Variants in DPP9 observed in about 807,000 individuals in gnomAD.
The protein encoded by DPP9 is dipeptidyl peptidase IV-related protein-2.
In DPP9, 50 loss-of-function variants were observed where a neutral mutation model predicts 110.7. The ratio of observed to expected loss-of-function variants is 0.45; its 90% confidence interval spans 0.36 to 0.57. DPP9 has a LOEUF of 0.57. DPP9 is among the 20% of genes least tolerant of loss of function. The pLI is 0.00. For missense variants in DPP9, 1,022 were observed against 1,217.9 expected (o/e 0.84, Z 2.39); for synonymous variants, 561 against 514.4 (o/e 1.09, Z -1.23).
At chr19:4,705,103 G>A (rs2092513699) in intron 5 of DPP9, among the ~76,000 whole-genome samples, 2 of 152,220 alleles carry the variant, frequency 1.3e-5, no homozygotes, top group South Asian at 4.1e-4. Flanking sequence ...CAAAGTGAGG[G>A]CCAGTGAACC....
At chr19:4,706,626 G>A (rs1216843989) in intron 4 of DPP9, among the ~76,000 whole-genome samples, 1 of 152,224 alleles carries the variant, frequency 6.6e-6, no homozygotes, top group Non-Finnish European at 1.5e-5. Flanking sequence ...GACCAGACTG[G>A]ACAACATGGT....
chr19:4,677,883 G>A (rs2089108649), intron 21 of DPP9, among the ~76,000 whole-genome samples: 1 of 152,208 alleles, frequency 6.6e-6, no homozygotes, highest in African/African-American at 2.4e-5. Context: ...GGCCCGGCAT[G>A]TGACAAATGT....
Position 4,707,899 on chromosome 19 carries a change from A to T in DPP9, c.314-1929T>A, listed in dbSNP as rs1599931581. Among the ~76,000 whole-genome samples, 3 of 151,926 alleles carry T rather than the reference A, an allele frequency of 2.0e-5. No individual in the cohort carries two copies. In the East Asian group the frequency reaches 5.8e-4, roughly 29 times the overall value. ...CCTTGGCCTCCCAAAATGCTGGGAT[A>T]ACAGGCATGAGCCACCACACCCGGC... On this transcript the variant is annotated intron_variant, in intron 4 of 21. Coordinates refer to ENST00000262960, the MANE Select transcript of DPP9 (RefSeq NM_139159.5).
Position 4,719,864 on chromosome 19 carries a change from C to T in DPP9, c.43G>A (p.Gly15Arg), listed in dbSNP as rs369959939. Residue 15 changes from glycine to arginine, a missense_variant, in exon 3 of 22, where the codon GGA (glycine) becomes AGA (arginine). Physicochemically the swap from Gly to Arg is moderately radical, Grantham distance 125 (BLOSUM62 -2). This residue lies in a region of DPP9 where 810 missense variants were observed against 920.6 expected (regional missense o/e 0.88). Transcript: ENST00000262960. ...KKLRLDKENT[G>R]SWRSFSLNSE... ...GGCCAACCTCACCTTCTCCAACTTC[C>T]GGTGTTCTCCTTGTCCAGGCGCAGT... The T allele has an allele frequency of 3.5e-5, 54 of 1,551,766 alleles. No individual in the cohort carries two copies. In the Middle Eastern group the frequency reaches 6.7e-4, roughly 19 times the overall value.
intron 4 of DPP9, among the ~76,000 whole-genome samples, chr19:4,713,638 G>A (rs1035507000): frequency 1.3e-5 from 2 of 152,198 alleles, no homozygotes; most frequent in Non-Finnish European, 2.9e-5. Flanking sequence ...CCTCCACGGC[G>A]AGCTCCTCCT....
Position 4,682,068 on chromosome 19 carries a change from T to C in DPP9, c.2474+628A>G, listed in dbSNP as rs1599863218. Among the ~76,000 whole-genome samples, 1 of 151,950 alleles carries C rather than the reference T, an allele frequency of 6.6e-6. No homozygotes were observed. Among genetic ancestry groups the C allele is most frequent in the Non-Finnish European group, 1.5e-5 (1 of 67,972 alleles). ...TTTCATCTTGTTAGCCAGGATGGTCTCAATCTCCTGACCTCACGATCCGCC... is the reference window on the plus strand; with the variant it reads ...TTTCATCTTGTTAGCCAGGATGGTCCCAATCTCCTGACCTCACGATCCGCC... On this transcript the variant is annotated intron_variant, in intron 20 of 21. Coordinates refer to ENST00000262960, the MANE Select transcript of DPP9 (RefSeq NM_139159.5). This position sits in a 1 kb window ranked among gnomAD's most constrained non-coding sequence, Gnocchi z 7.1.
rs575053697 is a variant in DPP9, at chr19:4,698,383, G to A, written c.1075-732C>T. On this transcript the variant is annotated intron_variant, in intron 10 of 21. Coordinates refer to ENST00000262960, the MANE Select transcript of DPP9 (RefSeq NM_139159.5). The surrounding 1 kb of genome is among the most constrained non-coding windows in gnomAD (Gnocchi z 4.2). Reference sequence around the variant, plus strand: ...TGGGTCACCAGCCCCACATCCCCAAGCCGACTTGTTTGATTGGCATCACCC... The same window carrying A: ...TGGGTCACCAGCCCCACATCCCCAAACCGACTTGTTTGATTGGCATCACCC... Among the ~76,000 whole-genome samples the A allele has an allele frequency of 1.3e-5, 2 of 152,340 alleles. No individual in the cohort carries two copies. The highest frequency in any genetic ancestry group is 4.1e-4 in the South Asian group (2 of 4,832).
Position 4,694,929 on chromosome 19 carries a change from C to G in DPP9, c.1354-106G>C. On this transcript the variant is annotated intron_variant, in intron 12 of 21. Coordinates refer to ENST00000262960, the MANE Select transcript of DPP9 (RefSeq NM_139159.5). This position sits in a 1 kb window ranked among gnomAD's most constrained non-coding sequence, Gnocchi z 4.0. ...TTGGGAGGCTGGGGCAGGAGACTTG[C>G]TTGAGCCCAGGAATTTCAGAGACCA... The G allele has an allele frequency of 8.6e-7, 1 of 1,159,608 alleles. No homozygotes were observed. Among genetic ancestry groups the G allele is most frequent in the Non-Finnish European group, 1.2e-6 (1 of 816,220 alleles). The allele number at this position is 1,159,608 out of a possible 1,614,324, so 71.8% of individuals were successfully genotyped here.
chr19:4,690,969 G>T lies in DPP9; in HGVS notation c.1517-12C>A. ...GCACTTAAATTCATCTGGAAAGAAA[G>T]AAAGAAGGGAGGTGAAGGGGCCTGG... On this transcript the variant is annotated splice_polypyrimidine_tract_variant and intron_variant, in intron 13 of 21. Transcript: ENST00000262960. 1 of 1,607,850 alleles carries T rather than the reference G, an allele frequency of 6.2e-7. No homozygotes were observed.
Position 4,695,561 on chromosome 19 carries a change from G to C in DPP9, c.1176-6C>G. ...CCAGGAACATGGCCCAGGCGCTAAG[G>C]GGGAAGATGCGGGGGAAGATGAGAG... On this transcript the variant is annotated splice_region_variant and splice_polypyrimidine_tract_variant and intron_variant, in intron 11 of 21. Transcript: ENST00000262960. The surrounding 1 kb of genome is among the most constrained non-coding windows in gnomAD (Gnocchi z 4.7). The C allele has an allele frequency of 6.8e-7, 1 of 1,468,292 alleles. No homozygotes were observed. The allele number at this position is 1,468,292 out of a possible 1,614,324, so 91.0% of individuals were successfully genotyped here.
In DPP9 at chr19:4,683,342, C is replaced by T. The variant is rs897906801; in HGVS notation, c.2331+135G>A. 5 of 1,477,776 alleles carry T rather than the reference C, an allele frequency of 3.4e-6. No homozygotes were observed. The African/African-American group carries it at 4.2e-5, about 12-fold the overall frequency. 91.5% of individuals were successfully genotyped at this position (1,477,776 alleles called of 1,614,324 possible). A position where few individuals can be genotyped will look rare whatever the true frequency, so the allele number is the denominator to read the frequency against. ...TGGGGCTGCTGCAGGGAGAAACAGC[C>T]ACGTGGCAAGGCCCCTGCCGAGGCG... On this transcript the variant is annotated intron_variant, in intron 19 of 21. Coordinates refer to ENST00000262960, the MANE Select transcript of DPP9 (RefSeq NM_139159.5).
At chr19:4,711,504 G>A (rs2092827044) in intron 4 of DPP9, among the ~76,000 whole-genome samples, 1 of 152,128 alleles carries the variant, frequency 6.6e-6, no homozygotes, top group South Asian at 2.1e-4. Context: ...CAGGCACGGT[G>A]GCTTACGCCT....
At chr19:4,714,471 A>G (rs1468756171) in intron 3 of DPP9, 134 bp from the exon 4 acceptor site, 15 of 1,178,334 alleles carry the variant, frequency 1.3e-5, no homozygotes, top group Non-Finnish European at 1.6e-5. Flanking sequence ...CTCCCTAAAC[A>G]CTTCTTGGGT....
rs546110801 is a variant in DPP9 at position 4,719,678 on chromosome 19, C to A, written c.56+173G>T. 1.9e-4 allele frequency: 143 copies of A among 756,684 alleles called. No homozygotes were observed. The African/African-American group carries it at 2.3e-3, about 12-fold the overall frequency. The allele number at this position is 756,684 out of a possible 1,614,324, so 46.9% of individuals were successfully genotyped here. Reference sequence around the variant, plus strand: ...AGCGTCCACAGTGCCGAGGGGGAGACCCCGCACTACGCCACACTGCCTCCT... The same window carrying A: ...AGCGTCCACAGTGCCGAGGGGGAGAACCCGCACTACGCCACACTGCCTCCT... On this transcript the variant is annotated intron_variant, in intron 3 of 21. Transcript: ENST00000262960.
rs755521734 is a variant in DPP9 at position 4,700,173 on chromosome 19, G to T, written c.1074+43C>A. ...CCAGCTGCCTACCCGGCCCTTCCCC[G>T]CATCATCTAGTAGATTATCTGGTAT... On this transcript the variant is annotated intron_variant, in intron 10 of 21. Transcript: ENST00000262960. The surrounding 1 kb of genome is among the most constrained non-coding windows in gnomAD (Gnocchi z 4.3). 6.8e-7 allele frequency: 1 copy of T among 1,472,062 alleles called. No individual in the cohort carries two copies. Among genetic ancestry groups the T allele is most frequent in the Non-Finnish European group, 9.2e-7 (1 of 1,085,702 alleles). The allele number at this position is 1,472,062 out of a possible 1,614,324, so 91.2% of individuals were successfully genotyped here. A position where few individuals can be genotyped will look rare whatever the true frequency, so the allele number is the denominator to read the frequency against.
chr19:4,681,076 C>T (rs767021466), intron 20 of DPP9, among the ~76,000 whole-genome samples: 3 of 152,168 alleles, frequency 2.0e-5, no homozygotes, highest in South Asian at 2.1e-4. Context: ...CCTTCCTGTC[C>T]GATACGGGAG....
At position 4,687,732 on chromosome 19, in the gene DPP9, C is replaced by T. The variant is rs1036009126; in HGVS notation, c.1885+1025G>A. Among the ~76,000 whole-genome samples, 1 of 152,026 alleles carries T rather than the reference C, an allele frequency of 6.6e-6. No homozygotes were observed. The highest frequency in any genetic ancestry group is 1.5e-5 in the Non-Finnish European group (1 of 68,012). ...TGAGTGGAAAGCCTGATAACCACGG[C>T]GGGTTTCAAACCAGTGTGGGTGGAC... On this transcript the variant is annotated intron_variant, in intron 16 of 21. Transcript: ENST00000262960. This position sits in a 1 kb window ranked among gnomAD's most constrained non-coding sequence, Gnocchi z 4.7.
At position 4,694,046 on chromosome 19, in the gene DPP9, G is replaced by A. The variant is rs1018564117; in HGVS notation, c.1516+615C>T. 2.0e-5 allele frequency among the ~76,000 whole-genome samples: 3 copies of A among 151,120 alleles called. No individual in the cohort carries two copies. Among genetic ancestry groups the A allele is most frequent in the South Asian group, 2.1e-4 (1 of 4,826 alleles). On this transcript the variant is annotated intron_variant, in intron 13 of 21. Transcript: ENST00000262960. This position sits in a 1 kb window ranked among gnomAD's most constrained non-coding sequence, Gnocchi z 4.0. ...CCCCTCACCCTCAAGCCTCTCGCCC[G>A]ACTGCATTTCCTTCCACCACGCACA...
Position 4,684,096 on chromosome 19 carries a change from G to A in DPP9, c.2179-467C>T, listed in dbSNP as rs979792622. 4 of 334,108 alleles carry A rather than the reference G, an allele frequency of 1.2e-5. No individual in the cohort carries two copies. The highest frequency in any genetic ancestry group is 2.5e-5 in the South Asian group (1 of 40,758). The allele number at this position is 334,108 out of a possible 1,614,324, so 20.7% of individuals were successfully genotyped here. On this transcript the variant is annotated intron_variant, in intron 18 of 21. Coordinates refer to ENST00000262960, the MANE Select transcript of DPP9 (RefSeq NM_139159.5). This position sits in a 1 kb window ranked among gnomAD's most constrained non-coding sequence, Gnocchi z 4.8. ...AAGTCCGTGCTGAGATCACTACTGC[G>A]GCCTTCAAGCGACTGATCCATGGGG...
Sources: gnomAD v4.1 joint callset for allele counts (sites outside exome capture counted in the v4.1 genomes callset) on GRCh38, gnomAD v4.1.1 for gene constraint, gnomAD v4.1.1 regional missense constraint, Gnocchi (gnomAD v3.1) non-coding constraint, MANE v1.5 for transcripts, NCBI Gene and HGNC (gene_info 2026-07-23, HGNC 2026-07-21) for gene names.